The following ZSCAN10 variants were observed in gnomAD, a reference collection of about 807,000 sequenced individuals.
ZSCAN10 encodes zinc finger and SCAN domain containing 10.
A neutral mutation model predicts 63.7 loss-of-function variants in ZSCAN10; 52 were observed. That is an observed-to-expected ratio of 0.82 (90% CI 0.65 to 1.03). The LOEUF (loss-of-function observed/expected upper bound fraction) is 1.03, where lower values mean the gene tolerates loss of function less well. Among genes scored for constraint, ZSCAN10 ranks in the 50% least tolerant of loss-of-function variants. The pLI, the probability that ZSCAN10 is intolerant of heterozygous loss-of-function variation, is 0.00. For missense variants in ZSCAN10, 1,223 were observed against 1,103.8 expected (o/e 1.11, Z -1.53); for synonymous variants, 544 against 479.6 (o/e 1.13, Z -1.76).
At chr16:3,090,701 A>G in intron 5 of ZSCAN10, 55 bp from the exon 6 acceptor site, 1 of 1,483,628 alleles carries the variant, frequency 6.7e-7, no homozygotes, top group Non-Finnish European at 8.9e-7. Context: ...GCCACTATCA[A>G]TCACCAGAAC....
In ZSCAN10 at chr16:3,089,371, C is replaced by A. The variant is rs1314053482; in HGVS notation, c.2063G>T (p.Arg688Leu). The change falls in exon 6 of 6, where the codon CGG (arginine) becomes CTG (leucine). Residue 688 changes from arginine (R) to leucine (L), a missense_variant. Arg to Leu is a moderately radical substitution (Grantham distance 102). Coordinates refer to ENST00000576985, the MANE Select transcript of ZSCAN10 (RefSeq NM_032805.3). ...ACCGCACGTCTGACAGCTGTAGGGC[C>A]GCTCGCCCGTGTGGCTGCGGCGATG... ...ARHRRSHTGERPYSCQTCGRS... is the reference protein window; with the variant it reads ...ARHRRSHTGELPYSCQTCGRS... 6.2e-7 allele frequency: 1 copy of A among 1,601,248 alleles called. No individual in the cohort carries two copies.
In ZSCAN10 at chr16:3,089,023, T is replaced by C; in HGVS notation, c.*68A>G. On this transcript the variant is annotated 3_prime_UTR_variant, in exon 6 of 6. Coordinates refer to ENST00000576985, the MANE Select transcript of ZSCAN10 (RefSeq NM_032805.3). ...GGGGTGTGGTGGGAAGGGACATTCC[T>C]GCAGGCCTCCGCTGTGGAGGACCCC... 1.4e-6 allele frequency: 2 copies of C among 1,414,886 alleles called. No homozygotes were observed. The highest frequency in any genetic ancestry group is 5.6e-5 in the East Asian group (2 of 35,456). 87.6% of individuals were successfully genotyped at this position (1,414,886 alleles called of 1,614,324 possible).
chr16:3,090,278 C>A lies in ZSCAN10; in HGVS notation c.1156G>T (p.Gly386Cys). 6.2e-7 allele frequency: 1 copy of A among 1,608,746 alleles called. No individual in the cohort carries two copies. The highest frequency in any genetic ancestry group is 8.5e-7 in the Non-Finnish European group (1 of 1,179,182). Reference protein sequence around the residue: ...FLCLCCGKSFGRSSILKLHMR... With the variant: ...FLCLCCGKSFCRSSILKLHMR... ...TGCAGCTTGAGAATGGAGCTGCGGC[C>A]GAAGCTCTTCCCGCAGCAAAGGCAC... Residue 386 changes from glycine to cysteine, a missense_variant, in exon 6 of 6, where the codon GGC (glycine) becomes TGC (cysteine). By Grantham distance (159) the Gly-to-Cys change is radical. Coordinates refer to ENST00000576985, the MANE Select transcript of ZSCAN10 (RefSeq NM_032805.3).
In ZSCAN10 at chr16:3,092,644, C is replaced by G. The variant is rs1310805326; in HGVS notation, c.294G>C (p.Pro98=). 8.1e-6 allele frequency: 13 copies of G among 1,611,830 alleles called. No homozygotes were observed. Among genetic ancestry groups the G allele is most frequent in the Non-Finnish European group, 1.0e-5 (12 of 1,179,432 alleles). ...VLEQFLSVLP[P]HLLGRLQGQP... ...GCCCCTGCAGGCGGCCCAGGAGGTG[C>G]GGAGGCAGCACACTCAGGAACTGCT... is the stretch of plus-strand genomic sequence containing the variant. The change falls in exon 2 of 6, where the codon CCG becomes CCC. Residue 98 remains proline, a synonymous_variant. Transcript: ENST00000576985.
intron 3 of ZSCAN10, 21 bp downstream of exon 3, chr16:3,092,028 C>T: frequency 6.4e-7 from 1 of 1,550,966 alleles, no homozygotes. Context: ...TCCTTGGCCT[C>T]CTAGGGCACA....
At chr16:3,091,702 A>C in intron 4 of ZSCAN10, 62 bp downstream of exon 4, 1 of 1,604,020 alleles carries the variant, frequency 6.2e-7, no homozygotes, top group Non-Finnish European at 8.5e-7. Flanking sequence ...TGGATTTGCT[A>C]AAACTACAGG....
chr16:3,096,366 C>T (rs1957153609), intron 1 of ZSCAN10: 1 of 152,288 alleles, frequency 6.6e-6, no homozygotes. Flanking sequence ...TGAACCTCTC[C>T]TAGAGCCTCC....
intron 1 of ZSCAN10, chr16:3,093,241 C>T (rs959339166): frequency 8.5e-6 from 2 of 236,096 alleles, no homozygotes; most frequent in Non-Finnish European, 1.6e-5. Context: ...AGATTTACAT[C>T]ACTTGGCCGG....
chr16:3,094,127 G>A (rs62032661), intron 1 of ZSCAN10, among the ~76,000 whole-genome samples: 1 of 152,032 alleles, frequency 6.6e-6, no homozygotes, highest in Non-Finnish European at 1.5e-5. Flanking sequence ...ATCCTCCCGC[G>A]TCAGCCTCCC....
intron 5 of ZSCAN10, among the ~76,000 whole-genome samples, 196 bp from the exon 6 acceptor site, chr16:3,090,842 G>C (rs1957064220): frequency 6.7e-6 from 1 of 148,744 alleles, no homozygotes; most frequent in African/African-American, 2.5e-5. Flanking sequence ...TTGAAGTCAG[G>C]AGTGAGTTCA....
chr16:3,092,483 T>G, intron 2 of ZSCAN10, 59 bp downstream of exon 2: 2 of 1,453,346 alleles, frequency 1.4e-6, no homozygotes, highest in South Asian at 1.4e-5. Context: ...GATTCCTCAC[T>G]GGGGGGATCA....
intron 1 of ZSCAN10, among the ~76,000 whole-genome samples, chr16:3,098,626 C>T (rs192512028): frequency 2.8e-4 from 43 of 152,296 alleles, no homozygotes; most frequent in African/African-American, 9.6e-4. Flanking sequence ...CCCCCCAGAT[C>T]TCCAGGACAA....
At position 3,089,322 on chromosome 16, in the gene ZSCAN10, A is replaced by G. The variant is rs1322500881; in HGVS notation, c.2112T>C (p.His704=). Residue 704 remains histidine (H), a synonymous_variant, in exon 6 of 6, where the codon CAT becomes CAC. Transcript: ENST00000576985. ...TCGRSFRRNA[H]LRRHLATHAE... ...CATGGGTAGCCAGGTGCCGCCGCAG[A>G]TGCGCGTTGCGCCGGAAGCTGCGAC... 6.3e-7 allele frequency: 1 copy of G among 1,580,586 alleles called. No homozygotes were observed. Among genetic ancestry groups the G allele is most frequent in the Non-Finnish European group, 8.5e-7 (1 of 1,169,608 alleles).
Position 3,090,251 on chromosome 16 carries a change from T to A in ZSCAN10, c.1183A>T (p.Met395Leu), listed in dbSNP as rs1219281728. ...GGCCGCTCGTCCGTGTGAGTGCGCA[T>A]GTGCAGCTTGAGAATGGAGCTGCGG... ...FGRSSILKLH[M>L]RTHTDERPHA... The change falls in exon 6 of 6, where the codon ATG becomes TTG. Residue 395 changes from methionine (M) to leucine (L), a missense_variant. Physicochemically the swap from Met to Leu is conservative, Grantham distance 15 (BLOSUM62 2). Coordinates refer to ENST00000576985, the MANE Select transcript of ZSCAN10 (RefSeq NM_032805.3). The A allele has an allele frequency of 3.1e-6, 5 of 1,608,446 alleles. No homozygotes were observed. Among genetic ancestry groups the A allele is most frequent in the Non-Finnish European group, 1.7e-6 (2 of 1,179,628 alleles).
rs781171222 is a variant in ZSCAN10, at chr16:3,094,495, G to A, written c.-67-1491C>T. ...TGAGTAGCTGGGATTACAAGCACGC[G>A]CCACCGCATGCCGCTAATTTTGTAT... On this transcript the variant is annotated intron_variant, in intron 1 of 5. Coordinates refer to ENST00000576985, the MANE Select transcript of ZSCAN10 (RefSeq NM_032805.3). Among the ~76,000 whole-genome samples the A allele has an allele frequency of 2.9e-4, 44 of 152,180 alleles. 1 individual carries two copies. Among genetic ancestry groups the A allele is most frequent in the Middle Eastern group, 3.4e-3 (1 of 294 alleles).
intron 1 of ZSCAN10, among the ~76,000 whole-genome samples, chr16:3,096,735 C>T (rs1957157664): frequency 6.6e-6 from 1 of 152,072 alleles, no homozygotes; most frequent in African/African-American, 2.4e-5. Flanking sequence ...CGAGACCAGC[C>T]TGATCAATAT....
At position 3,092,243 on chromosome 16, in the gene ZSCAN10, T is replaced by C. The variant is rs1422847984; in HGVS notation, c.470A>G (p.Gln157Arg). The change falls in exon 3 of 6, where the codon CAG (glutamine) becomes CGG (arginine). Residue 157 changes from glutamine to arginine, a missense_variant. Gln to Arg is a conservative substitution (Grantham distance 43). Coordinates refer to ENST00000576985, the MANE Select transcript of ZSCAN10 (RefSeq NM_032805.3). ...CTTCTTGGGGCTGTGGCTGGGGACC[T>C]GGGAAGCACACCCCTTTTCCTCCAA... ...VTLEEKGCAS[Q>R]VPSHSPKKEL... 1 of 1,612,864 alleles carries C rather than the reference T, an allele frequency of 6.2e-7. No individual in the cohort carries two copies. Among genetic ancestry groups the C allele is most frequent in the African/African-American group, 1.3e-5 (1 of 74,936 alleles).
intron 1 of ZSCAN10, chr16:3,096,459 G>C (rs1004237001): frequency 1.3e-5 from 2 of 152,300 alleles, no homozygotes; most frequent in African/African-American, 4.8e-5. Flanking sequence ...GAATGGCACA[G>C]GGCACTGTCC....
chr16:3,089,908 C>T lies in ZSCAN10; in HGVS notation c.1526G>A (p.Gly509Asp), dbSNP rs1957044593. 4 of 1,535,844 alleles carry T rather than the reference C, an allele frequency of 2.6e-6. No individual in the cohort carries two copies. The highest frequency in any genetic ancestry group is 1.4e-5 in the African/African-American group (1 of 72,884). ...ARDKDRRSSE[G>D]SGSRRRDSDR... ...GGAGTCCCGGCGGCGGCTGCCGGAG[C>T]CTTCGGAGGACCGGCGGTCCTTGTC... is the stretch of plus-strand genomic sequence containing the variant. The change falls in exon 6 of 6, where the codon GGC (glycine) becomes GAC (aspartate). Residue 509 changes from glycine (G) to aspartate (D), a missense_variant. By Grantham distance (94) the Gly-to-Asp change is moderately conservative (BLOSUM62 -1). Coordinates refer to ENST00000576985, the MANE Select transcript of ZSCAN10 (RefSeq NM_032805.3).
Sources: gnomAD v4.1 joint callset for allele counts (sites outside exome capture counted in the v4.1 genomes callset) on GRCh38, gnomAD v4.1.1 for gene constraint, MANE v1.5 for transcripts, NCBI Gene and HGNC (gene_info 2026-07-23, HGNC 2026-07-21) for gene names.